KCMF1: variants seen among roughly 807,000 people sequenced by gnomAD.
KCMF1 encodes potassium channel modulatory factor 1.
In KCMF1, 3 loss-of-function variants were observed where a neutral mutation model predicts 41.1. The ratio of observed to expected loss-of-function variants is 0.07; its 90% CI spans 0.03 to 0.19. The LOEUF (loss-of-function observed/expected upper bound fraction) is 0.19. Ranked by LOEUF, KCMF1 falls within the 10% of genes least tolerant of loss-of-function variation. The pLI, the probability that KCMF1 is intolerant of heterozygous loss-of-function variation, is 1.00. For synonymous variants in KCMF1, 142 were observed against 164.5 expected (o/e 0.86, Z 1.04); for missense variants, 286 against 488.9 (o/e 0.58, Z 3.91).
chr2:84,978,949 G>A (rs910201245), intron 1 of KCMF1, among the ~76,000 whole-genome samples: 8 of 151,496 alleles, frequency 5.3e-5, no homozygotes, highest in Non-Finnish European at 1.0e-4. Context: ...CCTGACCTCA[G>A]GTGATCTGCC....
chr2:85,050,348 A>T (rs1032859050), intron 6 of KCMF1, among the ~76,000 whole-genome samples: 1 of 152,204 alleles, frequency 6.6e-6, no homozygotes, highest in African/African-American at 2.4e-5. Context: ...GAAGGATTTC[A>T]TAATACAGTG....
In KCMF1 at chr2:85,013,375, C is replaced by G. The variant is rs1674693277; in HGVS notation, c.17-14514C>G. 2.0e-5 allele frequency among the ~76,000 whole-genome samples: 3 copies of G among 152,126 alleles called. No homozygotes were observed. The South Asian group carries it at 6.2e-4, about 32-fold the overall frequency. On this transcript the variant is annotated intron_variant, in intron 1 of 6. Transcript: ENST00000409785. ...AATCTATCACAAATACATGTGCAGA[C>G]ATTTCTAGTTTAGATAACATTAAAA...
chr2:84,978,146 C>T (rs1001659263), intron 1 of KCMF1, among the ~76,000 whole-genome samples: 6 of 151,818 alleles, frequency 4.0e-5, no homozygotes, highest in African/African-American at 9.7e-5. Flanking sequence ...TACAGGCATG[C>T]GCCACCTCAC....
chr2:84,971,422 A>G lies in KCMF1; in HGVS notation c.-30A>G, dbSNP rs1673389134. The G allele has an allele frequency of 8.3e-7, 1 of 1,200,084 alleles. No individual in the cohort carries two copies. Among genetic ancestry groups the G allele is most frequent in the East Asian group, 5.1e-5 (1 of 19,670 alleles). 74.3% of individuals were successfully genotyped at this position (1,200,084 alleles called of 1,614,324 possible). A position where few individuals can be genotyped will look rare whatever the true frequency, so the allele number is the denominator to read the frequency against. Reference sequence around the variant, plus strand: ...GGGGACACTGCAGCCGGAGCCCGGGAGGGGCCGCGCCGCCACCGTCTGAAC... The same window carrying G: ...GGGGACACTGCAGCCGGAGCCCGGGGGGGGCCGCGCCGCCACCGTCTGAAC... On this transcript the variant is annotated 5_prime_UTR_variant, in exon 1 of 7. Coordinates refer to ENST00000409785, the MANE Select transcript of KCMF1 (RefSeq NM_020122.5).
At chr2:84,971,890 C>T (rs1460062469) in intron 1 of KCMF1, 3 of 151,876 alleles carry the variant, frequency 2.0e-5, no homozygotes, top group African/African-American at 4.8e-5. Context: ...AGAGCCGGGC[C>T]GCGGGCGGCA....
At chr2:85,007,320 G>C (rs545172648) in intron 1 of KCMF1, among the ~76,000 whole-genome samples, 25 of 152,346 alleles carry the variant, frequency 1.6e-4, no homozygotes, top group South Asian at 8.3e-4. Flanking sequence ...TTAGGTGGAA[G>C]CCCTTAGAAG....
chr2:84,973,177 T>C (rs1037396470), intron 1 of KCMF1, among the ~76,000 whole-genome samples: 12 of 152,230 alleles, frequency 7.9e-5, no homozygotes, highest in African/African-American at 2.9e-4. Context: ...ATCACAGCCA[T>C]GGAAGAGTGT....
chr2:84,972,489 TAA>T (rs970977410), intron 1 of KCMF1, among the ~76,000 whole-genome samples: 1 of 152,190 alleles, frequency 6.6e-6, no homozygotes, highest in Admixed American at 6.5e-5. Flanking sequence ...GGTTTTTGGA[TAA>T]AAAGTGTTAA....
intron 1 of KCMF1, among the ~76,000 whole-genome samples, chr2:84,991,644 G>T (rs959313619): frequency 1.3e-5 from 2 of 152,182 alleles, no homozygotes; most frequent in African/African-American, 4.8e-5. Flanking sequence ...AAATAGGCCA[G>T]TTTGGCATCT....
At chr2:84,986,717 GAAAA>G (rs80299863) in intron 1 of KCMF1, among the ~76,000 whole-genome samples, 1 of 133,242 alleles carries the variant, frequency 7.5e-6, no homozygotes, top group Non-Finnish European at 1.6e-5. Flanking sequence ...CTGTACTTAA[GAAAA>G]AAAAAAAAAA....
chr2:85,046,896 TAGAG>T (rs771369972), intron 5 of KCMF1, among the ~76,000 whole-genome samples: 20 of 152,228 alleles, frequency 1.3e-4, no homozygotes, highest in African/African-American at 2.2e-4. Context: ...ATAAGATACT[TAGAG>T]AGAGACCACA....
At chr2:85,029,938 C>T (rs1326691047) in intron 2 of KCMF1, among the ~76,000 whole-genome samples, 1 of 151,950 alleles carries the variant, frequency 6.6e-6, no homozygotes, top group East Asian at 1.9e-4. Flanking sequence ...ACTTGCGGGC[C>T]TCCCAGAGTG....
At chr2:84,975,056 AC>A (rs1358653887) in intron 1 of KCMF1, among the ~76,000 whole-genome samples, 1 of 151,976 alleles carries the variant, frequency 6.6e-6, no homozygotes, top group Non-Finnish European at 1.5e-5. Flanking sequence ...GTCATTTGAC[AC>A]CCCCACCATT....
At chr2:84,992,780 C>T (rs1559127905) in intron 1 of KCMF1, among the ~76,000 whole-genome samples, 1 of 152,122 alleles carries the variant, frequency 6.6e-6, no homozygotes, top group African/African-American at 2.4e-5. Context: ...CAGGCGCCCA[C>T]CACCATGCCT....
chr2:85,038,615 C>CT (rs1054913999), intron 3 of KCMF1, among the ~76,000 whole-genome samples: 3 of 151,848 alleles, frequency 2.0e-5, no homozygotes, highest in African/African-American at 7.3e-5. Context: ...TCTTCTTCTT[C>CT]TTTTTTTTCT....
chr2:84,993,829 G>A (rs1674106188), intron 1 of KCMF1, among the ~76,000 whole-genome samples: 1 of 151,996 alleles, frequency 6.6e-6, no homozygotes, highest in Non-Finnish European at 1.5e-5. Flanking sequence ...GCCCACCTTG[G>A]CCTCCCAAAG....
chr2:85,009,770 G>T (rs1674609651), intron 1 of KCMF1, among the ~76,000 whole-genome samples: 1 of 152,010 alleles, frequency 6.6e-6, no homozygotes, highest in South Asian at 2.1e-4. Flanking sequence ...TGAGTTCCTG[G>T]GGGTCAGAGA....
chr2:84,974,983 A>G (rs1673508474), intron 1 of KCMF1, among the ~76,000 whole-genome samples: 1 of 152,006 alleles, frequency 6.6e-6, no homozygotes, highest in African/African-American at 2.4e-5. Flanking sequence ...GTGGGATTAC[A>G]GGCGTAAGCC....
chr2:84,998,578 T>G (rs1037054972), intron 1 of KCMF1, among the ~76,000 whole-genome samples: 1 of 151,740 alleles, frequency 6.6e-6, no homozygotes, highest in Non-Finnish European at 1.5e-5. Context: ...CTTATTTATT[T>G]ATTTATTTAT....
Sources: gnomAD v4.1 joint callset for allele counts (sites outside exome capture counted in the v4.1 genomes callset) on GRCh38, gnomAD v4.1.1 for gene constraint, MANE v1.5 for transcripts, NCBI Gene and HGNC (gene_info 2026-07-23, HGNC 2026-07-21) for gene names.